BUB1B: variants seen among roughly 807,000 people sequenced by gnomAD.
The protein encoded by BUB1B is mitotic checkpoint serine/threonine-protein kinase BUB1 beta.
BUB1B carries 86 observed loss-of-function variants against 137.7 expected under a neutral mutation model. That is an observed-to-expected ratio of 0.62 (90% CI 0.52 to 0.75). The LOEUF (loss-of-function observed/expected upper bound fraction) is 0.75. BUB1B is among the 30% of genes least tolerant of loss of function. The pLI is 0.00. For synonymous variants in BUB1B, 420 were observed against 417.9 expected (o/e 1.00, Z -0.06); for missense variants, 1,130 against 1,236.9 (o/e 0.91, Z 1.30).
rs1429390523 is a variant in BUB1B at position 40,200,327 on chromosome 15, C to T, written c.1485C>T (p.Ser495=). Reference sequence around the variant, plus strand: ...AGAAAATACCAGGAATGACTCTATCCAGTTCTGTTTGTCAAGTAAACTGTT... The same window carrying T: ...AGAAAATACCAGGAATGACTCTATCTAGTTCTGTTTGTCAAGTAAACTGTT... ...ESQKIPGMTL[S]SSVCQVNCCA... The change falls in exon 11 of 23, where the codon TCC becomes TCT. Residue 495 remains serine, a synonymous_variant. Coordinates refer to ENST00000287598, the MANE Select transcript of BUB1B (RefSeq NM_001211.6). 1.6e-5 allele frequency: 26 copies of T among 1,613,734 alleles called. No individual in the cohort carries two copies. The highest frequency in any genetic ancestry group is 2.1e-5 in the Non-Finnish European group (25 of 1,179,842).
At chr15:40,219,711 C>T (rs1053292798) in intron 22 of BUB1B, among the ~76,000 whole-genome samples, 1 of 96,072 alleles carries the variant, frequency 1.0e-5, no homozygotes, top group East Asian at 2.1e-4. Context: ...CAGAGTGAGA[C>T]TCCGTCTCAA....
chr15:40,170,426 C>A, intron 3 of BUB1B, 111 bp from the exon 4 acceptor site: 1 of 1,276,464 alleles, frequency 7.8e-7, no homozygotes, highest in Non-Finnish European at 1.1e-6. Context: ...TCATTGAGGA[C>A]CTCAAAAGAA....
chr15:40,176,837 A>G (rs1409303891), intron 5 of BUB1B, among the ~76,000 whole-genome samples, 164 bp downstream of exon 5: 2 of 152,308 alleles, frequency 1.3e-5, no homozygotes, highest in East Asian at 3.9e-4. Context: ...TTTATCATAG[A>G]GTAAAATCCA....
In BUB1B at chr15:40,200,907, G is replaced by T. The variant is rs368738993; in HGVS notation, c.1518-24G>T. 31 of 1,611,220 alleles carry T rather than the reference G, an allele frequency of 1.9e-5. No individual in the cohort carries two copies. In the African/African-American group the frequency reaches 2.5e-4, roughly 13 times the overall value. ...TTCTTTCTGTGGGTATTGAGCACAT[G>T]ATTTAAAACAAGTTTCTTTACAGAG... On this transcript the variant is annotated intron_variant, in intron 11 of 22. Coordinates refer to ENST00000287598, the MANE Select transcript of BUB1B (RefSeq NM_001211.6).
intron 5 of BUB1B, among the ~76,000 whole-genome samples, chr15:40,183,434 C>T (rs962507695): frequency 1.3e-5 from 2 of 152,048 alleles, no homozygotes; most frequent in Non-Finnish European, 2.9e-5. Flanking sequence ...TCTTAATAAC[C>T]CTAACCTGAT....
chr15:40,208,338 G>A (rs992240841), intron 15 of BUB1B, among the ~76,000 whole-genome samples: 1 of 152,128 alleles, frequency 6.6e-6, no homozygotes, highest in Non-Finnish European at 1.5e-5. Context: ...AGGAGTTCAA[G>A]ACCAGTCTGG....
chr15:40,214,745 T>G (rs1178717634), intron 20 of BUB1B, among the ~76,000 whole-genome samples: 1 of 152,182 alleles, frequency 6.6e-6, no homozygotes, highest in Non-Finnish European at 1.5e-5. Context: ...TAGCAGCATT[T>G]CTCATCCAGG....
At chr15:40,188,469 A>G (rs1308346685) in intron 8 of BUB1B, among the ~76,000 whole-genome samples, 1 of 152,198 alleles carries the variant, frequency 6.6e-6, no homozygotes, top group African/African-American at 2.4e-5. Context: ...AAATCAGCTA[A>G]AAATCTATAA....
In BUB1B at chr15:40,183,747, G is replaced by A. The variant is rs2037324095; in HGVS notation, c.615G>A (p.Leu205=). 7 of 1,613,962 alleles carry A rather than the reference G, an allele frequency of 4.3e-6. No homozygotes were observed. Among genetic ancestry groups the A allele is most frequent in the Non-Finnish European group, 5.9e-6 (7 of 1,179,996 alleles). ...AAGCTCGAGTGTCTCGGCAAACTCT[G>A]TTGGCACTTGAGAAAGAAGAAGAGG... ...QFQARVSRQT[L]LALEKEEEEE... Residue 205 remains leucine (L), a synonymous_variant, in exon 6 of 23, where the codon CTG becomes CTA. Transcript: ENST00000287598.
chr15:40,166,721 T>G (rs1277050235), intron 2 of BUB1B, among the ~76,000 whole-genome samples: 1 of 152,210 alleles, frequency 6.6e-6, no homozygotes, highest in Non-Finnish European at 1.5e-5. Flanking sequence ...AGAAACTGGT[T>G]TACCAAGGAG....
At chr15:40,207,035 C>G (rs2037646834) in intron 15 of BUB1B, among the ~76,000 whole-genome samples, 1 of 152,106 alleles carries the variant, frequency 6.6e-6, no homozygotes, top group South Asian at 2.1e-4. Context: ...GTCTCAAACT[C>G]CTGACCTCAG....
intron 20 of BUB1B, among the ~76,000 whole-genome samples, chr15:40,215,036 G>A (rs143518774): frequency 1.6e-4 from 24 of 152,270 alleles, no homozygotes; most frequent in African/African-American, 5.3e-4. Flanking sequence ...GCCATTTGTG[G>A]TCTAATGAAG....
At chr15:40,212,221 T>C (rs2037722716) in intron 18 of BUB1B, among the ~76,000 whole-genome samples, 1 of 152,242 alleles carries the variant, frequency 6.6e-6, no homozygotes, top group Non-Finnish European at 1.5e-5. Context: ...CTGCCAGTTA[T>C]ATAGTATAGG....
chr15:40,209,549 T>C, intron 16 of BUB1B, 86 bp from the exon 17 acceptor site: 1 of 1,517,502 alleles, frequency 6.6e-7, no homozygotes, highest in East Asian at 2.3e-5. Context: ...TCTTGATTTT[T>C]TTTTTCTTCT....
chr15:40,172,520 A>C (rs1243675635), intron 4 of BUB1B, among the ~76,000 whole-genome samples: 2 of 152,238 alleles, frequency 1.3e-5, no homozygotes, highest in Non-Finnish European at 2.9e-5. Context: ...TAAGAAAATT[A>C]TAAGGAAGAG....
In BUB1B at chr15:40,183,757, G is replaced by A. The variant is rs1283843121; in HGVS notation, c.625G>A (p.Glu209Lys). 1 of 1,614,104 alleles carries A rather than the reference G, an allele frequency of 6.2e-7. No homozygotes were observed. ...GTCTCGGCAAACTCTGTTGGCACTT[G>A]AGAAAGAAGAAGAGGAGGAAGTTTT... Reference protein sequence around the residue: ...RVSRQTLLALEKEEEEEVFES... With the variant: ...RVSRQTLLALKKEEEEEVFES... The change falls in exon 6 of 23, where the codon GAG becomes AAG. Residue 209 changes from glutamate to lysine, a missense_variant. By Grantham distance (56) the Glu-to-Lys change is moderately conservative. Coordinates refer to ENST00000287598, the MANE Select transcript of BUB1B (RefSeq NM_001211.6).
intron 5 of BUB1B, among the ~76,000 whole-genome samples, chr15:40,178,994 A>G (rs1174218143): frequency 1.3e-5 from 2 of 152,028 alleles, no homozygotes; most frequent in East Asian, 1.9e-4. Context: ...CCCCATGCCC[A>G]TTAGCAGTCA....
chr15:40,175,346 A>G (rs937111047), intron 4 of BUB1B, among the ~76,000 whole-genome samples: 1 of 152,088 alleles, frequency 6.6e-6, no homozygotes, highest in Non-Finnish European at 1.5e-5. Context: ...GCAGTGAGCT[A>G]TGATTGCGTC....
intron 8 of BUB1B, among the ~76,000 whole-genome samples, chr15:40,189,037 G>A (rs1385590701): frequency 2.0e-5 from 3 of 151,894 alleles, no homozygotes; most frequent in Non-Finnish European, 4.4e-5. Context: ...TGTAAGACTC[G>A]ATTCCCCACC....
Sources: allele counts gnomAD v4.1 joint callset (sites outside exome capture counted in the v4.1 genomes callset), GRCh38; gene constraint gnomAD v4.1.1; transcripts MANE v1.5; gene names NCBI Gene and HGNC (gene_info 2026-07-23, HGNC 2026-07-21).